The following PHIP variants were observed in gnomAD, a reference collection of about 807,000 sequenced individuals.
PHIP encodes PH-interacting protein.
In PHIP, 54 loss-of-function variants were observed where a neutral mutation model predicts 236.8. The ratio of observed to expected loss-of-function variants is 0.23; its 90% CI spans 0.18 to 0.29. The LOEUF (loss-of-function observed/expected upper bound fraction) is 0.29. Among genes scored for constraint, PHIP ranks in the 10% least tolerant of loss-of-function variants. The pLI is 1.00. For synonymous variants in PHIP, 756 were observed against 718.9 expected, an observed-to-expected ratio of 1.05 and a Z score of -0.83; for missense variants, 1,370 against 2,190.8, an observed-to-expected ratio of 0.63 and a Z score of 7.48.
chr6:79,046,327 G>T (rs1383096377), intron 6 of PHIP, among the ~76,000 whole-genome samples: 1 of 152,042 alleles, frequency 6.6e-6, no homozygotes, highest in Non-Finnish European at 1.5e-5. Flanking sequence ...AACCTAACCA[G>T]CCCACTGAAA....
At chr6:79,018,357 C>T (rs1035792443) in intron 10 of PHIP, among the ~76,000 whole-genome samples, 20 of 151,812 alleles carry the variant, frequency 1.3e-4, no homozygotes, top group Non-Finnish European at 2.7e-4. Context: ...ATTAGTATGG[C>T]AAAGACAGAC....
chr6:79,019,921 A>G (rs541486171), intron 9 of PHIP, among the ~76,000 whole-genome samples: 8 of 152,262 alleles, frequency 5.3e-5, no homozygotes, highest in African/African-American at 1.9e-4. Flanking sequence ...ACATTTAACA[A>G]TGTGTATGTA....
intron 6 of PHIP, among the ~76,000 whole-genome samples, chr6:79,059,878 A>T (rs545195670): frequency 9.7e-4 from 148 of 152,008 alleles, no homozygotes; most frequent in African/African-American, 3.3e-3. Flanking sequence ...GAGTGACACA[A>T]CAAAGGTAGA....
chr6:79,053,256 G>A (rs1260538281), intron 6 of PHIP, among the ~76,000 whole-genome samples: 1 of 152,186 alleles, frequency 6.6e-6, no homozygotes. Flanking sequence ...GCAAGTTGGA[G>A]TGAGCCGACA....
intron 27 of PHIP, among the ~76,000 whole-genome samples, chr6:78,967,933 G>C (rs1402468005): frequency 6.6e-6 from 1 of 151,906 alleles, no homozygotes. Flanking sequence ...AGGAGATCAA[G>C]ACCATCCTGG....
intron 15 of PHIP, among the ~76,000 whole-genome samples, chr6:79,013,158 C>T (rs1407093253): frequency 1.3e-5 from 2 of 151,594 alleles, no homozygotes; most frequent in East Asian, 1.9e-4. Flanking sequence ...TTCCTAAGAC[C>T]AAGAATAATA....
chr6:79,020,281 C>A (rs1463879641), intron 9 of PHIP, among the ~76,000 whole-genome samples: 2 of 151,998 alleles, frequency 1.3e-5, no homozygotes, highest in Non-Finnish European at 2.9e-5. Flanking sequence ...ATACAGAATG[C>A]AACAAAATGT....
chr6:79,028,904 C>G (rs1771527879), intron 7 of PHIP, among the ~76,000 whole-genome samples: 1 of 152,026 alleles, frequency 6.6e-6, no homozygotes, highest in African/African-American at 2.4e-5. Context: ...GTCTTTTGAC[C>G]AAAATGTCAG....
chr6:78,953,140 A>G (rs973078144), intron 35 of PHIP, among the ~76,000 whole-genome samples: 3 of 152,144 alleles, frequency 2.0e-5, no homozygotes, highest in Non-Finnish European at 4.4e-5. Context: ...TTCTAAGTCC[A>G]TGTATAGTGT....
chr6:79,017,823 T>C (rs1272775977), intron 10 of PHIP, among the ~76,000 whole-genome samples: 1 of 151,956 alleles, frequency 6.6e-6, no homozygotes, highest in Non-Finnish European at 1.5e-5. Flanking sequence ...GCTCAAAAAA[T>C]AATTTCACTA....
At chr6:78,972,525 G>C (rs1488442087) in intron 24 of PHIP, among the ~76,000 whole-genome samples, 8 of 152,304 alleles carry the variant, frequency 5.3e-5, no homozygotes, top group Non-Finnish European at 7.4e-5. Flanking sequence ...AAAGCTGGAC[G>C]CAGAATGACT....
rs776484225 is a variant in PHIP, at chr6:79,001,954, G to C, written c.1824C>G (p.Gly608=). The change falls in exon 17 of 40, where the codon GGC becomes GGG. Residue 608 remains glycine (G), a synonymous_variant. Transcript: ENST00000275034. The part of the protein sequence containing the change: ...HPSRYQRLVP[G]RENCREEQLI... Reference sequence around the variant, plus strand: ...GTTGCTCCTCCCTGCAATTTTCACGGCCAGGAACTAATCTTTGATATCTTG... The same window carrying C: ...GTTGCTCCTCCCTGCAATTTTCACGCCCAGGAACTAATCTTTGATATCTTG... The C allele has an allele frequency of 8.7e-6, 14 of 1,612,986 alleles. No homozygotes were observed. Among genetic ancestry groups the C allele is most frequent in the Non-Finnish European group, 1.1e-5 (13 of 1,179,396 alleles).
chr6:79,014,240 C>A (rs1336179018), intron 15 of PHIP, among the ~76,000 whole-genome samples: 3 of 151,636 alleles, frequency 2.0e-5, no homozygotes, highest in Admixed American at 1.3e-4. Context: ...TTTTCACAAA[C>A]CATGTTTCAC....
chr6:78,966,592 A>C (rs1013605343), intron 27 of PHIP, among the ~76,000 whole-genome samples: 1 of 152,214 alleles, frequency 6.6e-6, no homozygotes, highest in Non-Finnish European at 1.5e-5. Context: ...AACAAAAAAG[A>C]AACAAAAATA....
rs1351784405 is a variant in PHIP at position 79,078,205 on chromosome 6, G to A, written c.-137C>T. On this transcript the variant is annotated 5_prime_UTR_variant, in exon 1 of 40. Coordinates refer to ENST00000275034, the MANE Select transcript of PHIP (RefSeq NM_017934.7). The stretch of plus-strand genomic sequence containing the variant: ...CGGCTCCACCATTCAAGCAACGGCG[G>A]CGGAGGCGGAGGAGGAGGAGGAGGA... 5 of 772,892 alleles carry A rather than the reference G, an allele frequency of 6.5e-6. No homozygotes were observed. Among genetic ancestry groups the A allele is most frequent in the Non-Finnish European group, 1.1e-5 (5 of 476,132 alleles). 47.9% of individuals were successfully genotyped at this position (772,892 alleles called of 1,614,324 possible).
chr6:79,007,909 A>G (rs1770372076), intron 15 of PHIP, among the ~76,000 whole-genome samples: 1 of 152,136 alleles, frequency 6.6e-6, no homozygotes, highest in Non-Finnish European at 1.5e-5. Flanking sequence ...AAAAATATGT[A>G]AACTAGATAC....
intron 38 of PHIP, 146 bp downstream of exon 38, chr6:78,945,851 ACTTT>A: frequency 1.5e-6 from 1 of 650,806 alleles, no homozygotes; most frequent in Non-Finnish European, 2.6e-6. Context: ...CTTATTAAAA[ACTTT>A]TTTTTAAAAT....
At chr6:79,065,000 T>C (rs1173961877) in intron 4 of PHIP, among the ~76,000 whole-genome samples, 15 of 152,180 alleles carry the variant, frequency 9.9e-5, no homozygotes. Flanking sequence ...TTATCCAACC[T>C]TGGAAGCCAG....
In PHIP at chr6:78,945,308, A is replaced by G. The variant is rs1773743521; in HGVS notation, c.4820T>C (p.Ile1607Thr). 2 of 1,607,020 alleles carry G rather than the reference A, an allele frequency of 1.2e-6. No homozygotes were observed. The highest frequency in any genetic ancestry group is 2.2e-5 in the East Asian group (1 of 44,836). ...ASTLSKSSAV[I>T]EQGDCKNNAL... ...TACAAGTAATACCTTACCTTGCTCA[A>G]TGACAGCTGATGACTTTGAAAGAGT... The change falls in exon 39 of 40, where the codon ATT becomes ACT. Residue 1607 changes from isoleucine (I) to threonine (T), a missense_variant. Coordinates refer to ENST00000275034, the MANE Select transcript of PHIP (RefSeq NM_017934.7).
Sources: gnomAD v4.1 joint callset for allele counts (sites outside exome capture counted in the v4.1 genomes callset) on GRCh38, gnomAD v4.1.1 for gene constraint, MANE v1.5 for transcripts, NCBI Gene and HGNC (gene_info 2026-07-23, HGNC 2026-07-21) for gene names.